The following ABTB2 variants were observed in gnomAD, a reference collection of about 807,000 sequenced individuals.
ABTB2 encodes ankyrin repeat and BTB/POZ domain-containing protein 2.
In ABTB2, 56 loss-of-function variants were observed where a neutral mutation model predicts 104.1. The observed-to-expected ratio is 0.54, with a 90% CI of 0.43 to 0.67. The LOEUF (loss-of-function observed/expected upper bound fraction) is 0.67, where lower values mean the gene tolerates loss of function less well. ABTB2 is among the 30% of genes least tolerant of loss of function. The pLI, the probability that ABTB2 is intolerant of heterozygous loss-of-function variation, is 0.00. For missense variants in ABTB2, 1,279 were observed against 1,407.7 expected (o/e 0.91, Z 1.46); for synonymous variants, 606 against 608.2 (o/e 1.00, Z 0.05).
intron 3 of ABTB2, among the ~76,000 whole-genome samples, chr11:34,179,326 A>G (rs1288709926): frequency 6.6e-6 from 1 of 151,902 alleles, no homozygotes. Context: ...TTATGAAAAT[A>G]GTTTTGGCCC....
chr11:34,274,787 C>T (rs1312351368), intron 1 of ABTB2, among the ~76,000 whole-genome samples: 2 of 152,138 alleles, frequency 1.3e-5, no homozygotes, highest in Non-Finnish European at 2.9e-5. Flanking sequence ...AGGTCAGCCA[C>T]ACAGTCTTGG....
At chr11:34,243,036 G>C (rs150366172) in intron 1 of ABTB2, among the ~76,000 whole-genome samples, 18 of 152,250 alleles carry the variant, frequency 1.2e-4, no homozygotes, top group Admixed American at 2.6e-4. Context: ...CTGACAGTCC[G>C]AATCTGGGAG....
intron 2 of ABTB2, among the ~76,000 whole-genome samples, chr11:34,198,629 T>C (rs911544444): frequency 1.3e-5 from 2 of 152,210 alleles, no homozygotes; most frequent in Admixed American, 6.5e-5. Context: ...CCAAAGTCCA[T>C]GGACTTCACT....
chr11:34,167,831 G>C (rs369059827), intron 6 of ABTB2, 72 bp downstream of exon 6: 2 of 1,486,686 alleles, frequency 1.3e-6, no homozygotes, highest in African/African-American at 2.8e-5. Context: ...CACGCCCAGC[G>C]TGTTTGTTGG....
At chr11:34,262,124 G>A (rs1310127592) in intron 1 of ABTB2, among the ~76,000 whole-genome samples, 1 of 152,216 alleles carries the variant, frequency 6.6e-6, no homozygotes, top group Non-Finnish European at 1.5e-5. Context: ...AGAAATAAAT[G>A]ATGTCCAGAG....
At chr11:34,339,987 C>T (rs1855242627) in intron 1 of ABTB2, among the ~76,000 whole-genome samples, 1 of 152,064 alleles carries the variant, frequency 6.6e-6, no homozygotes, top group African/African-American at 2.4e-5. Flanking sequence ...AGAATGACAA[C>T]TGCACAGTCA....
At chr11:34,269,095 A>C (rs971012825) in intron 1 of ABTB2, among the ~76,000 whole-genome samples, 4 of 152,212 alleles carry the variant, frequency 2.6e-5, no homozygotes, top group Non-Finnish European at 4.4e-5. Context: ...AAGGAGAGGA[A>C]GCACCACTGA....
At chr11:34,294,238 G>T (rs967447705) in intron 1 of ABTB2, among the ~76,000 whole-genome samples, 3 of 152,198 alleles carry the variant, frequency 2.0e-5, no homozygotes, top group African/African-American at 7.2e-5. Context: ...GCTGAGGTGG[G>T]ATGGTGGCTT....
intron 1 of ABTB2, among the ~76,000 whole-genome samples, chr11:34,328,871 G>C (rs926967314): frequency 2.6e-5 from 4 of 152,132 alleles, no homozygotes; most frequent in Non-Finnish European, 5.9e-5. Context: ...TGCATCTACA[G>C]CTGATTAAAA....
chr11:34,290,836 T>C (rs1170481784), intron 1 of ABTB2, among the ~76,000 whole-genome samples: 4 of 152,228 alleles, frequency 2.6e-5, no homozygotes, highest in Non-Finnish European at 5.9e-5. Context: ...ACAGGCCTAA[T>C]AGCTAAAATT....
chr11:34,195,075 C>CGA (rs1554982288), intron 3 of ABTB2, among the ~76,000 whole-genome samples: 1 of 18,066 alleles, frequency 5.5e-5, no homozygotes, highest in African/African-American at 1.1e-4. Flanking sequence ...AGATGCCCGG[C>CGA]GGGGGGGGGG....
intron 1 of ABTB2, among the ~76,000 whole-genome samples, chr11:34,237,706 C>T (rs1309772923): frequency 1.3e-5 from 2 of 152,128 alleles, no homozygotes; most frequent in African/African-American, 4.8e-5. Context: ...ACCAGCCTGA[C>T]ATGGTGAAAC....
At chr11:34,300,735 G>A (rs1178493018) in intron 1 of ABTB2, among the ~76,000 whole-genome samples, 1 of 152,156 alleles carries the variant, frequency 6.6e-6, no homozygotes, top group African/African-American at 2.4e-5. Context: ...GGAGGTGCTC[G>A]AAGTCTTGGT....
intron 3 of ABTB2, among the ~76,000 whole-genome samples, chr11:34,194,217 C>T (rs894816638): frequency 1.3e-5 from 2 of 152,212 alleles, no homozygotes; most frequent in Non-Finnish European, 2.9e-5. Flanking sequence ...CTCCCTCTCC[C>T]ATGTGTGCAA....
At chr11:34,212,037 T>G (rs139105961) in intron 1 of ABTB2, among the ~76,000 whole-genome samples, 2,169 of 150,684 alleles carry the variant, frequency 0.014, 42 homozygotes, top group African/African-American at 0.049. Flanking sequence ...ACAGGAGAGA[T>G]AAGGGGAAGT....
chr11:34,297,781 A>AAAAAAAAAAT (rs1854640798), intron 1 of ABTB2, among the ~76,000 whole-genome samples: 1 of 73,200 alleles, frequency 1.4e-5, no homozygotes. Context: ...AAAAAAAAAA[A>AAAAAAAAAAT]AAATAAAAAT....
In ABTB2 at chr11:34,272,717, A is replaced by AAAAAAAAAAC. The variant is rs1565156078; in HGVS notation, c.884-68028_884-68027insGTTTTTTTTT. Among the ~76,000 whole-genome samples, 177 of 149,142 alleles carry AAAAAAAAAAC rather than the reference A, an allele frequency of 1.2e-3. 3 individuals carry two copies. Among genetic ancestry groups the AAAAAAAAAAC allele is most frequent in the African/African-American group, 4.3e-3 (171 of 40,106 alleles). ...GTAAGACTCCGTCTCAAAAAAAAAA[A>AAAAAAAAAAC]AAAAAAAAAAAAAACCAACCAACCA... On this transcript the variant is annotated intron_variant, in intron 1 of 16. Transcript: ENST00000435224.
chr11:34,177,653 G>A (rs991256384), intron 3 of ABTB2, among the ~76,000 whole-genome samples: 1 of 152,104 alleles, frequency 6.6e-6, no homozygotes, highest in African/African-American at 2.4e-5. Context: ...CAATAGCAAA[G>A]TCTTTTTTTC....
At chr11:34,307,825 C>G (rs1267473) in intron 1 of ABTB2, among the ~76,000 whole-genome samples, 2 of 151,928 alleles carry the variant, frequency 1.3e-5, no homozygotes, top group Admixed American at 1.3e-4. Flanking sequence ...CAGCCTCCCA[C>G]ATAGCTGGGA....
Sources: allele counts gnomAD v4.1 joint callset (sites outside exome capture counted in the v4.1 genomes callset), GRCh38; gene constraint gnomAD v4.1.1; transcripts MANE v1.5; gene names NCBI Gene and HGNC (gene_info 2026-07-23, HGNC 2026-07-21).